ALG1: variants seen among roughly 807,000 people sequenced by gnomAD.
ALG1 encodes ALG1 chitobiosyldiphosphodolichol beta-mannosyltransferase.
A neutral mutation model predicts 55.1 loss-of-function variants in ALG1; 58 were observed. The observed-to-expected ratio is 1.05, with a 90% CI of 0.85 to 1.31. The LOEUF (loss-of-function observed/expected upper bound fraction) is 1.31. ALG1 is among the 50% of genes most tolerant of loss of function. The pLI is 0.00. For synonymous variants in ALG1, 309 were observed against 247.0 expected, an observed-to-expected ratio of 1.25 and a Z score of -2.35; for missense variants, 761 against 598.6, an observed-to-expected ratio of 1.27 and a Z score of -2.83.
Position 5,082,622 on chromosome 16 carries a change from T to G in ALG1, c.1136T>G (p.Val379Gly), listed in dbSNP as rs1555452573. 6.2e-7 allele frequency: 1 copy of G among 1,611,954 alleles called. No individual in the cohort carries two copies. Among genetic ancestry groups the G allele is most frequent in the Non-Finnish European group, 8.5e-7 (1 of 1,179,840 alleles). ...AGTGGCCTGGACCTGCCCATGAAGG[T>G]GGTGGACATGTTCGGGTGCTGTTTG... ...SSSGLDLPMK[V>G]VDMFGCCLPV... Residue 379 changes from valine (V) to glycine (G), a missense_variant, in exon 11 of 13, where the codon GTG becomes GGG. Transcript: ENST00000262374.
In ALG1 at chr16:5,080,972, A is replaced by T. The variant is rs764029645; in HGVS notation, c.988A>T (p.Ser330Cys). 3.1e-6 allele frequency: 5 copies of T among 1,596,356 alleles called. No individual in the cohort carries two copies. The East Asian group carries it at 1.1e-4, about 36-fold the overall frequency. The change falls in exon 10 of 13, where the codon AGC (serine) becomes TGC (cysteine). Residue 330 changes from serine (S) to cysteine (C), a missense_variant. Coordinates refer to ENST00000262374, the MANE Select transcript of ALG1 (RefSeq NM_019109.5). ...TGKGPLREYY[S>C]RLIHQKHFQH... ...CAAAGGGCCTCTGAGGGAGTATTAT[A>T]GCCGCCTCATCCACCAGAAGCACTT...
chr16:5,075,189 C>G (rs566774799), intron 3 of ALG1, among the ~76,000 whole-genome samples, 199 bp from the exon 4 acceptor site: 2 of 152,336 alleles, frequency 1.3e-5, no homozygotes, highest in African/African-American at 4.8e-5. Context: ...CAGGCATCAG[C>G]CACCGCACCT....
chr16:5,083,399 T>G (rs1301545176), intron 11 of ALG1, among the ~76,000 whole-genome samples: 2 of 152,078 alleles, frequency 1.3e-5, no homozygotes, highest in Non-Finnish European at 2.9e-5. Context: ...AAGAAAAACA[T>G]GCAAAAATAA....
chr16:5,076,152 C>A (rs4785986), intron 4 of ALG1, among the ~76,000 whole-genome samples: 143,384 of 152,254 alleles, frequency 0.94, 68,014 homozygotes, highest in East Asian at 1. Flanking sequence ...CATCTGCTGT[C>A]CTCTGAGCCC....
Position 5,073,141 on chromosome 16 carries a change from T to C in ALG1, c.287-12T>C. The C allele has an allele frequency of 6.2e-7, 1 of 1,614,128 alleles. No individual in the cohort carries two copies. The highest frequency in any genetic ancestry group is 8.5e-7 in the Non-Finnish European group (1 of 1,179,952). On this transcript the variant is annotated splice_polypyrimidine_tract_variant and intron_variant, in intron 2 of 12. Coordinates refer to ENST00000262374, the MANE Select transcript of ALG1 (RefSeq NM_019109.5). Reference sequence around the variant, plus strand: ...GCTCCTTTGGTAGTCACAGGTGTTTTCTGACTTGCAGTTGGGCCCCGAGTT... The same window carrying C: ...GCTCCTTTGGTAGTCACAGGTGTTTCCTGACTTGCAGTTGGGCCCCGAGTT...
Position 5,085,207 on chromosome 16 carries a change from T to G in ALG1, c.*326T>G, listed in dbSNP as rs1957112223. 1.8e-6 allele frequency: 1 copy of G among 553,282 alleles called. No individual in the cohort carries two copies. Among genetic ancestry groups the G allele is most frequent in the Non-Finnish European group, 3.2e-6 (1 of 309,942 alleles). 34.3% of individuals were successfully genotyped at this position (553,282 alleles called of 1,614,324 possible). A position where few individuals can be genotyped will look rare whatever the true frequency, so the allele number is the denominator to read the frequency against. ...GCGTTTGGTCTCCAGGTGTCCCCTT[T>G]CTGCCGTGTTCCTAACATTTTGATT... On this transcript the variant is annotated 3_prime_UTR_variant, in exon 13 of 13. Transcript: ENST00000262374.
rs954562613 is a variant in ALG1, at chr16:5,078,413, C to G, written c.741-344C>G. The G allele has an allele frequency of 2.2e-5, 13 of 595,830 alleles. No homozygotes were observed. The Admixed American group carries it at 2.6e-4, about 12-fold the overall frequency. The allele number at this position is 595,830 out of a possible 1,614,324, so 36.9% of individuals were successfully genotyped here. On this transcript the variant is annotated intron_variant, in intron 6 of 12. Coordinates refer to ENST00000262374, the MANE Select transcript of ALG1 (RefSeq NM_019109.5). ...GTGTCTCATGGGGCTAAGGAGGGGA[C>G]CTTTGTGCAGGTCTACGCACCCTGA... is the stretch of plus-strand genomic sequence containing the variant.
intron 3 of ALG1, among the ~76,000 whole-genome samples, chr16:5,074,991 C>T (rs1037565065): frequency 6.6e-6 from 1 of 152,174 alleles, no homozygotes; most frequent in African/African-American, 2.4e-5. Flanking sequence ...GCAGCCTCAT[C>T]CTCCTGGGCT....
rs768379497 is a variant in ALG1, at chr16:5,072,957, A to C, written c.215A>C (p.Lys72Thr). 3 of 1,614,048 alleles carry C rather than the reference A, an allele frequency of 1.9e-6. No individual in the cohort carries two copies. The highest frequency in any genetic ancestry group is 3.3e-4 in the Middle Eastern group (2 of 6,084). ...SVTLLGFCNS[K>T]PHDELLQNNR... ...GATCATTCTCATTTTTCAGACTCCA[A>C]ACCCCATGATGAGCTCTTGCAGAAC... The change falls in exon 2 of 13, where the codon AAA becomes ACA. Residue 72 changes from lysine to threonine, a missense_variant. By Grantham distance (78) the Lys-to-Thr change is moderately conservative. Coordinates refer to ENST00000262374, the MANE Select transcript of ALG1 (RefSeq NM_019109.5).
chr16:5,085,752 G>A lies in ALG1; in HGVS notation c.*871G>A, dbSNP rs368350974. 7.0e-6 allele frequency: 11 copies of A among 1,579,288 alleles called. No individual in the cohort carries two copies. The highest frequency in any genetic ancestry group is 6.1e-6 in the Non-Finnish European group (7 of 1,150,246). On this transcript the variant is annotated 3_prime_UTR_variant, in exon 13 of 13. Coordinates refer to ENST00000262374, the MANE Select transcript of ALG1 (RefSeq NM_019109.5). ...CCCGGCCTGGAAACAGAGCACATGT[G>A]TTTGAGGATGGCGGTGTTTGGGGAC... is the stretch of plus-strand genomic sequence containing the variant.
intron 3 of ALG1, among the ~76,000 whole-genome samples, chr16:5,074,942 G>T (rs143879021): frequency 2.0e-5 from 3 of 152,114 alleles, no homozygotes; most frequent in Admixed American, 2.0e-4. Context: ...TAGCTCTGTC[G>T]CCCAGGCTGG....
rs1184584414 is a variant in ALG1 at position 5,077,431 on chromosome 16, ATC to A, written c.540-8_540-7del. ...CTGTCTAGGGCTCTGCTGACTGCTGATCTCTCTTTTCAGGTACGAGAAGTTCT... is the reference window on the plus strand; with the variant it reads ...CTGTCTAGGGCTCTGCTGACTGCTGATCTCTTTTCAGGTACGAGAAGTTCT... On this transcript the variant is annotated splice_polypyrimidine_tract_variant and intron_variant, in intron 4 of 12. Coordinates refer to ENST00000262374, the MANE Select transcript of ALG1 (RefSeq NM_019109.5). 3 of 1,612,382 alleles carry A rather than the reference ATC, an allele frequency of 1.9e-6. No homozygotes were observed. The highest frequency in any genetic ancestry group is 2.5e-6 in the Non-Finnish European group (3 of 1,178,602).
rs1957178184 is a variant in ALG1, at chr16:5,086,508, G to C, written c.*1627G>C. ...CTGTCACCCAGGCTGGAGTGCAGTGGCACAGTCATTGCTCACTACAGCCTC... is the reference window on the plus strand; with the variant it reads ...CTGTCACCCAGGCTGGAGTGCAGTGCCACAGTCATTGCTCACTACAGCCTC... On this transcript the variant is annotated 3_prime_UTR_variant, in exon 13 of 13. Coordinates refer to ENST00000262374, the MANE Select transcript of ALG1 (RefSeq NM_019109.5). The C allele has an allele frequency of 6.6e-6, 1 of 152,030 alleles. No individual in the cohort carries two copies. Among genetic ancestry groups the C allele is most frequent in the Admixed American group, 6.5e-5 (1 of 15,268 alleles). The allele number at this position is 152,030 out of a possible 1,614,324, so 9.4% of individuals were successfully genotyped here.
intron 8 of ALG1, 113 bp downstream of exon 8, chr16:5,079,215 T>C: frequency 7.1e-7 from 1 of 1,415,116 alleles, no homozygotes; most frequent in Non-Finnish European, 9.7e-7. Context: ...TGGGGCAGCC[T>C]GGGGACAGCG....
At position 5,075,477 on chromosome 16, in the gene ALG1, CT is replaced by C; in HGVS notation, c.481del (p.Tyr161ThrfsTer31). The C allele has an allele frequency of 6.2e-7, 1 of 1,614,184 alleles. No homozygotes were observed. The highest frequency in any genetic ancestry group is 8.5e-7 in the Non-Finnish European group (1 of 1,180,034). ...TCGTCATTGACTGGCACAACTATGG[CT>C]ACTCCATCATGGGTCTGGTGCATGG... is the stretch of plus-strand genomic sequence containing the variant. Reference protein sequence around the residue: ...KLVIDWHNYGYSIMGLVHGPN... With the variant: ...KLVIDWHNYGXSIMGLVHGPN... On this transcript the variant is annotated frameshift_variant, in exon 4 of 13. Transcript: ENST00000262374. LOFTEE classifies it high-confidence loss of function.
intron 12 of ALG1, among the ~76,000 whole-genome samples, 167 bp downstream of exon 12, chr16:5,083,924 G>A (rs1181600800): frequency 1.3e-5 from 2 of 152,088 alleles, no homozygotes; most frequent in African/African-American, 2.4e-5. Context: ...CTGCTGTCCC[G>A]TTTCGGTACA....
chr16:5,076,155 C>G (rs1367713328), intron 4 of ALG1, among the ~76,000 whole-genome samples: 1 of 152,224 alleles, frequency 6.6e-6, no homozygotes, highest in Non-Finnish European at 1.5e-5. Flanking sequence ...CTGCTGTCCT[C>G]TGAGCCCAAC....
At chr16:5,077,863 C>G (rs1209207184) in intron 5 of ALG1, 44 bp from the exon 6 acceptor site, 1 of 1,589,196 alleles carries the variant, frequency 6.3e-7, no homozygotes, top group Non-Finnish European at 8.6e-7. Context: ...TTCCTGAGGC[C>G]TTTCTTCAGC....
intron 6 of ALG1, chr16:5,078,252 C>A: frequency 4.3e-6 from 3 of 695,586 alleles, no homozygotes; most frequent in Non-Finnish European, 7.8e-6. Context: ...CAACAGAGAA[C>A]CTGTGGCCCG....
Sources: gnomAD v4.1 joint callset for allele counts (sites outside exome capture counted in the v4.1 genomes callset) on GRCh38, gnomAD v4.1.1 for gene constraint, MANE v1.5 for transcripts, NCBI Gene and HGNC (gene_info 2026-07-23, HGNC 2026-07-21) for gene names.